ZNF385B: variants seen among roughly 807,000 people sequenced by gnomAD.
ZNF385B encodes the protein zinc finger protein 533.
ZNF385B carries 23 observed loss-of-function variants against 39.2 expected under a neutral mutation model. That is an observed-to-expected ratio of 0.59 (90% CI 0.42 to 0.83). The LOEUF (loss-of-function observed/expected upper bound fraction) is 0.83, where lower values mean the gene tolerates loss of function less well. ZNF385B is among the 40% of genes least tolerant of loss of function. ZNF385B has a pLI of 0.00. For missense variants in ZNF385B, 552 were observed against 598.9 expected (o/e 0.92, Z 0.82); for synonymous variants, 205 against 222.6 (o/e 0.92, Z 0.70).
chr2:179,792,378 T>TTC (rs1705390152), intron 1 of ZNF385B, among the ~76,000 whole-genome samples: 3 of 143,810 alleles, frequency 2.1e-5, no homozygotes, highest in Admixed American at 1.4e-4. Context: ...TTCTTTTCTT[T>TTC]TTTTTTTTTT....
intron 1 of ZNF385B, among the ~76,000 whole-genome samples, chr2:179,780,033 G>T (rs1480592670): frequency 6.6e-6 from 1 of 151,802 alleles, no homozygotes; most frequent in Admixed American, 6.6e-5. Flanking sequence ...AAGTGGTTGC[G>T]GCAGCTGGGC....
At chr2:179,750,520 G>A (rs986529460) in intron 3 of ZNF385B, among the ~76,000 whole-genome samples, 9 of 152,080 alleles carry the variant, frequency 5.9e-5, no homozygotes, top group Non-Finnish European at 1.0e-4. Context: ...CAATTCCTGA[G>A]TGCTCTTATA....
chr2:179,462,978 A>G (rs943333474), intron 6 of ZNF385B, among the ~76,000 whole-genome samples: 3 of 152,190 alleles, frequency 2.0e-5, no homozygotes, highest in Non-Finnish European at 4.4e-5. Context: ...TTAAAATTCT[A>G]TATTCATATG....
chr2:179,760,538 C>T (rs1703319515), intron 3 of ZNF385B, among the ~76,000 whole-genome samples: 3 of 152,064 alleles, frequency 2.0e-5, no homozygotes. Flanking sequence ...GAGTAGTATT[C>T]CTTAGTACAG....
intron 3 of ZNF385B, among the ~76,000 whole-genome samples, chr2:179,596,285 T>A (rs576331201): frequency 6.6e-6 from 1 of 152,314 alleles, no homozygotes; most frequent in Non-Finnish European, 1.5e-5. Context: ...GCTTGCTGAG[T>A]CATTCATCTT....
intron 3 of ZNF385B, among the ~76,000 whole-genome samples, chr2:179,640,795 A>C (rs566789687): frequency 7.6e-4 from 115 of 152,228 alleles, no homozygotes; most frequent in Admixed American, 1.5e-3. Context: ...ACAACAACAA[A>C]AAAAATCTTA....
intron 3 of ZNF385B, among the ~76,000 whole-genome samples, chr2:179,700,607 C>T (rs1169380118): frequency 1.3e-5 from 2 of 152,134 alleles, no homozygotes; most frequent in East Asian, 1.9e-4. Flanking sequence ...AAAGACAATT[C>T]GTCTTTGTGG....
chr2:179,537,029 G>A (rs1425241683), intron 4 of ZNF385B, among the ~76,000 whole-genome samples: 3 of 150,718 alleles, frequency 2.0e-5, no homozygotes, highest in Non-Finnish European at 4.4e-5. Flanking sequence ...GGTGAGGGAC[G>A]GCCGGGATAG....
chr2:179,847,714 C>T (rs929389941), intron 1 of ZNF385B, among the ~76,000 whole-genome samples: 5 of 152,074 alleles, frequency 3.3e-5, no homozygotes, highest in East Asian at 3.9e-4. Context: ...GTCACAGGGC[C>T]GCATGGATGG....
At chr2:179,637,686 C>A (rs11688746) in intron 3 of ZNF385B, among the ~76,000 whole-genome samples, 22,669 of 129,926 alleles carry the variant, frequency 0.17, 1,827 homozygotes, top group Admixed American at 0.29. Context: ...GAAAGGATAA[C>A]AAACTTGACC....
chr2:179,537,334 A>G (rs1260849386), intron 4 of ZNF385B, among the ~76,000 whole-genome samples: 1 of 150,686 alleles, frequency 6.6e-6, no homozygotes, highest in African/African-American at 2.5e-5. Flanking sequence ...AAAAAAAATA[A>G]AAAAGAAAAG....
Position 179,857,229 on chromosome 2 carries a change from A to G in ZNF385B, c.-155+3872T>C, listed in dbSNP as rs867200136. Reference sequence around the variant, plus strand: ...GAACTCGGTAAAATTCAATCCAACTAGTTAAATTATTTGTTGATGTCCTAT... The same window carrying G: ...GAACTCGGTAAAATTCAATCCAACTGGTTAAATTATTTGTTGATGTCCTAT... On this transcript the variant is annotated intron_variant, in intron 1 of 9. Transcript: ENST00000410066. Among the ~76,000 whole-genome samples, 97 of 152,336 alleles carry G rather than the reference A, an allele frequency of 6.4e-4. 1 individual carries two copies. Among genetic ancestry groups the G allele is most frequent in the Middle Eastern group, 6.8e-3 (2 of 294 alleles).
chr2:179,615,750 A>G (rs566595883), intron 3 of ZNF385B, among the ~76,000 whole-genome samples: 109 of 152,310 alleles, frequency 7.2e-4, no homozygotes, highest in Non-Finnish European at 1.4e-3. Context: ...GACCTTACCC[A>G]GACCTAGGGA....
chr2:179,842,336 T>C (rs1708578518), intron 1 of ZNF385B, among the ~76,000 whole-genome samples: 1 of 152,148 alleles, frequency 6.6e-6, no homozygotes, highest in Non-Finnish European at 1.5e-5. Context: ...AAAACCAGTT[T>C]GTGTTCAGAA....
chr2:179,678,455 C>G (rs895457860), intron 3 of ZNF385B, among the ~76,000 whole-genome samples: 1 of 152,150 alleles, frequency 6.6e-6, no homozygotes, highest in Non-Finnish European at 1.5e-5. Context: ...GAGGAAGTGC[C>G]TGTGCTTCTT....
chr2:179,446,296 G>A (rs1402589020), intron 7 of ZNF385B, among the ~76,000 whole-genome samples: 3 of 152,070 alleles, frequency 2.0e-5, no homozygotes, highest in African/African-American at 4.8e-5. Context: ...GACAGTATTA[G>A]ATGTTTTTAA....
At chr2:179,475,190 A>C (rs1354441522) in intron 6 of ZNF385B, among the ~76,000 whole-genome samples, 1 of 152,062 alleles carries the variant, frequency 6.6e-6, no homozygotes, top group Non-Finnish European at 1.5e-5. Context: ...ATGCTGTTAC[A>C]TGCTGTTAGT....
chr2:179,483,919 T>C (rs1040320755), intron 5 of ZNF385B, among the ~76,000 whole-genome samples: 11 of 152,176 alleles, frequency 7.2e-5, no homozygotes, highest in Non-Finnish European at 1.5e-4. Context: ...TGTTAATAGG[T>C]GCTACTGAGT....
At chr2:179,720,984 A>G (rs1700662706) in intron 3 of ZNF385B, among the ~76,000 whole-genome samples, 1 of 112,212 alleles carries the variant, frequency 8.9e-6, no homozygotes, top group Non-Finnish European at 1.7e-5. Context: ...GCCCAAGCTT[A>G]TCTCAAACAC....
Sources: allele counts gnomAD v4.1 joint callset (sites outside exome capture counted in the v4.1 genomes callset), GRCh38; gene constraint gnomAD v4.1.1; transcripts MANE v1.5; gene names NCBI Gene and HGNC (gene_info 2026-07-23, HGNC 2026-07-21).